The following ROBO2 variants were observed in gnomAD, a reference collection of about 807,000 sequenced individuals.
ROBO2 encodes roundabout guidance receptor 2, also known as roundabout homolog 2.
ROBO2 carries 53 observed loss-of-function variants against 160.8 expected under a neutral mutation model. The ratio of observed to expected loss-of-function variants is 0.33; its 90% CI spans 0.26 to 0.41. The LOEUF (loss-of-function observed/expected upper bound fraction) is 0.41. Among genes scored for constraint, ROBO2 ranks in the 10% least tolerant of loss-of-function variants. The probability of loss-of-function intolerance (pLI) is 1.00; values close to 1 mark genes in which losing one functional copy is unlikely to be tolerated. For synonymous variants in ROBO2, 664 were observed against 611.7 expected (o/e 1.09, Z -1.26); for missense variants, 1,577 against 1,722.4 (o/e 0.92, Z 1.49).
chr3:76,840,366 T>C (rs925511081), intron 2 of ROBO2, among the ~76,000 whole-genome samples: 12 of 151,694 alleles, frequency 7.9e-5, no homozygotes, highest in African/African-American at 2.7e-4. Flanking sequence ...TCCCAGCACT[T>C]TGGGAGGCCG....
intron 2 of ROBO2, among the ~76,000 whole-genome samples, chr3:76,538,652 A>C (rs1231236722): frequency 6.6e-6 from 1 of 152,186 alleles, no homozygotes. Context: ...AACTTGTGTG[A>C]AGCTGAGGTT....
At chr3:77,587,234 A>C (rs1233437841) in intron 16 of ROBO2, among the ~76,000 whole-genome samples, 1 of 152,012 alleles carries the variant, frequency 6.6e-6, no homozygotes, top group African/African-American at 2.4e-5. Flanking sequence ...GAGGAAAGAG[A>C]GTTTCAAGTC....
At chr3:76,113,319 A>T (rs2070320970) in intron 2 of ROBO2, among the ~76,000 whole-genome samples, 1 of 152,104 alleles carries the variant, frequency 6.6e-6, no homozygotes, top group South Asian at 2.1e-4. Flanking sequence ...GATAAGTTCA[A>T]TTACTATAAA....
intron 2 of ROBO2, among the ~76,000 whole-genome samples, chr3:77,452,374 C>G (rs576509005): frequency 6.6e-6 from 1 of 152,044 alleles, no homozygotes; most frequent in Non-Finnish European, 1.5e-5. Context: ...CTTTTTCTCC[C>G]GCTCTCTCCT....
chr3:77,624,657 T>C (rs1286354118), intron 23 of ROBO2, among the ~76,000 whole-genome samples: 1 of 152,212 alleles, frequency 6.6e-6, no homozygotes, highest in Non-Finnish European at 1.5e-5. Flanking sequence ...GTTTTTAACA[T>C]GGTAAGTGCC....
At position 76,508,561 on chromosome 3, in the gene ROBO2, G is replaced by A. The variant is rs1013557747; in HGVS notation, c.109+570959G>A. Among the ~76,000 whole-genome samples, 4 of 152,058 alleles carry A rather than the reference G, an allele frequency of 2.6e-5. No homozygotes were observed. The East Asian group carries it at 5.8e-4, about 22-fold the overall frequency. On this transcript the variant is annotated intron_variant, in intron 2 of 26. Coordinates refer to the ROBO2 transcript ENST00000487694. ...TTTAAGAAACATTAAGTAGGTGGAG[G>A]AAACATCCATATCTATGTTTAAAAA...
chr3:76,525,877 G>A (rs574294540), intron 2 of ROBO2, among the ~76,000 whole-genome samples: 5 of 151,910 alleles, frequency 3.3e-5, no homozygotes, highest in South Asian at 2.1e-4. Context: ...ACACTTTACC[G>A]CAGAAAAAAA....
At chr3:76,757,040 A>G (rs1301463645) in intron 2 of ROBO2, among the ~76,000 whole-genome samples, 3 of 151,956 alleles carry the variant, frequency 2.0e-5, no homozygotes, top group South Asian at 2.1e-4. Flanking sequence ...TTTGGTTGCA[A>G]TTCTTTATAT....
chr3:76,346,143 G>A (rs893912622), intron 2 of ROBO2, among the ~76,000 whole-genome samples: 4 of 151,958 alleles, frequency 2.6e-5, no homozygotes, highest in African/African-American at 9.7e-5. Flanking sequence ...AAAGAAGGCT[G>A]TCTTTGTTTC....
intron 2 of ROBO2, among the ~76,000 whole-genome samples, chr3:77,450,937 A>G (rs1019547425): frequency 2.0e-5 from 3 of 152,114 alleles, no homozygotes; most frequent in Admixed American, 6.6e-5. Context: ...ATTTCATTGA[A>G]GGCATATTTG....
rs182056716 is a variant in ROBO2 at position 77,082,418 on chromosome 3, C to A, written c.62-15596C>A. On this transcript the variant is annotated intron_variant, in intron 1 of 25. Transcript: ENST00000461745. ...GCAAAGTCATGGATTATGCTCTTAG[C>A]CCTGCCTGTGTTTCTGTGACTGATC... 7.9e-5 allele frequency among the ~76,000 whole-genome samples: 12 copies of A among 152,116 alleles called. No individual in the cohort carries two copies. In the East Asian group the frequency reaches 2.3e-3, roughly 29 times the overall value.
intron 2 of ROBO2, among the ~76,000 whole-genome samples, chr3:76,143,945 C>G (rs1298104250): frequency 4.0e-5 from 6 of 151,802 alleles, no homozygotes; most frequent in Admixed American, 2.6e-4. Flanking sequence ...ACAAAATTCT[C>G]TCTTATTCTG....
At chr3:76,091,243 AAAT>A (rs1266564438) in intron 2 of ROBO2, among the ~76,000 whole-genome samples, 1 of 152,194 alleles carries the variant, frequency 6.6e-6, no homozygotes, top group African/African-American at 2.4e-5. Flanking sequence ...ACTCAACAAT[AAAT>A]AACTCAATTA....
At chr3:77,317,133 T>C in intron 2 of ROBO2, 1 of 1,151,724 alleles carries the variant, frequency 8.7e-7, no homozygotes, top group Non-Finnish European at 1.3e-6. Context: ...GACTTTGCAG[T>C]CTCAAAACGC....
intron 2 of ROBO2, among the ~76,000 whole-genome samples, chr3:76,985,349 A>G (rs892429361): frequency 8.6e-5 from 13 of 151,874 alleles, no homozygotes; most frequent in Admixed American, 2.0e-4. Flanking sequence ...TTGGGAGGCC[A>G]AGGTGGGAAG....
chr3:76,498,722 G>A (rs1185020020), intron 2 of ROBO2, among the ~76,000 whole-genome samples: 14 of 136,332 alleles, frequency 1.0e-4, no homozygotes, highest in South Asian at 6.8e-4. Context: ...TTGCTCTGTC[G>A]CCCAGGCTGG....
intron 5 of ROBO2, among the ~76,000 whole-genome samples, chr3:77,510,024 C>G (rs1412386080): frequency 6.6e-6 from 1 of 151,718 alleles, no homozygotes; most frequent in Admixed American, 6.6e-5. Flanking sequence ...AAGAGACAGC[C>G]CGAGAATTCT....
intron 2 of ROBO2, among the ~76,000 whole-genome samples, chr3:76,099,162 A>G (rs1313628173): frequency 6.6e-6 from 1 of 152,156 alleles, no homozygotes; most frequent in African/African-American, 2.4e-5. Flanking sequence ...TATTACTGCA[A>G]TTCCTTGGCA....
intron 2 of ROBO2, among the ~76,000 whole-genome samples, chr3:76,948,912 T>A (rs1255056098): frequency 0.013 from 531 of 39,382 alleles, no homozygotes; most frequent in East Asian, 0.05. Context: ...ATATATATTT[T>A]TTTTTTTTTT....
Sources: allele counts gnomAD v4.1 joint callset (sites outside exome capture counted in the v4.1 genomes callset), GRCh38; gene constraint gnomAD v4.1.1; transcripts MANE v1.5; gene names NCBI Gene and HGNC (gene_info 2026-07-23, HGNC 2026-07-21).